Variants in PRORP observed in about 807,000 individuals in gnomAD.
The protein encoded by PRORP is protein only RNase P catalytic subunit.
PRORP carries 51 observed loss-of-function variants against 59.4 expected under a neutral mutation model. That is an observed-to-expected ratio of 0.86 (90% CI 0.69 to 1.08). The LOEUF (loss-of-function observed/expected upper bound fraction) is 1.08. Among genes scored for constraint, PRORP ranks in the 50% least tolerant of loss-of-function variants. The pLI is 0.00. For missense variants in PRORP, 646 were observed against 690.3 expected, an observed-to-expected ratio of 0.94 and a Z score of 0.72; for synonymous variants, 231 against 245.6, an observed-to-expected ratio of 0.94 and a Z score of 0.55.
In PRORP at chr14:35,277,584, AGAT is replaced by A. The variant is rs1263302112; in HGVS notation, c.*4021_*4023del. 1.3e-5 allele frequency: 2 copies of A among 152,206 alleles called. No homozygotes were observed. Among genetic ancestry groups the A allele is most frequent in the African/African-American group, 4.8e-5 (2 of 41,462 alleles). The allele number at this position is 152,206 out of a possible 1,614,324, so 9.4% of individuals were successfully genotyped here. ...ATGAAAATACAAGAGACAGGAACACAGATGAATAAATGTAATAAAATTTGAGAA... is the reference window on the plus strand; with the variant it reads ...ATGAAAATACAAGAGACAGGAACACAGAATAAATGTAATAAAATTTGAGAA... On this transcript the variant is annotated 3_prime_UTR_variant, in exon 8 of 8. Coordinates refer to ENST00000534898, the MANE Select transcript of PRORP (RefSeq NM_014672.4).
chr14:35,171,718 T>C (rs528683181), intron 4 of PRORP, among the ~76,000 whole-genome samples: 60 of 152,316 alleles, frequency 3.9e-4, no homozygotes, highest in Non-Finnish European at 7.5e-4. Flanking sequence ...ATGTTTTGGC[T>C]ATTCAAATAC....
intron 4 of PRORP, among the ~76,000 whole-genome samples, chr14:35,178,186 A>G (rs6571699): frequency 0.85 from 129,283 of 152,082 alleles, 55,013 homozygotes; most frequent in Admixed American, 0.87. Context: ...TTTGGAATAA[A>G]TGCGATGTGG....
At chr14:35,170,966 C>T (rs1006632322) in intron 4 of PRORP, among the ~76,000 whole-genome samples, 1 of 152,008 alleles carries the variant, frequency 6.6e-6, no homozygotes, top group Non-Finnish European at 1.5e-5. Flanking sequence ...TCTTCTGCCT[C>T]AGACTCCCGA....
chr14:35,166,338 C>G (rs140950819), intron 4 of PRORP, among the ~76,000 whole-genome samples: 63 of 151,876 alleles, frequency 4.1e-4, no homozygotes, highest in African/African-American at 1.4e-3. Flanking sequence ...CTCCTTAAAG[C>G]TTATTGCTCT....
intron 5 of PRORP, among the ~76,000 whole-genome samples, chr14:35,255,725 T>A (rs932236351): frequency 1.3e-5 from 2 of 152,156 alleles, no homozygotes; most frequent in African/African-American, 2.4e-5. Flanking sequence ...GACTGGAGAC[T>A]ATGTTACATG....
intron 7 of PRORP, among the ~76,000 whole-genome samples, chr14:35,271,136 T>C (rs747603440): frequency 4.0e-5 from 6 of 150,688 alleles, no homozygotes. Flanking sequence ...TTCAATTAAT[T>C]ATGTCACAAA....
intron 5 of PRORP, among the ~76,000 whole-genome samples, chr14:35,205,130 G>C (rs1249622573): frequency 6.6e-6 from 1 of 151,974 alleles, no homozygotes. Context: ...CTCTTTATGG[G>C]CTTTGTCAAC....
intron 7 of PRORP, among the ~76,000 whole-genome samples, 189 bp from the exon 8 acceptor site, chr14:35,273,245 CA>C (rs548280842): frequency 6.6e-6 from 1 of 151,894 alleles, no homozygotes; most frequent in Non-Finnish European, 1.5e-5. Flanking sequence ...TGAGACCCCT[CA>C]AAAAAAGGAA....
chr14:35,141,809 T>G lies in PRORP; in HGVS notation c.1167+14198T>G, dbSNP rs534004520. Among the ~76,000 whole-genome samples the G allele has an allele frequency of 1.4e-5, 2 of 144,892 alleles. 1 individual carries two copies. Among genetic ancestry groups the G allele is most frequent in the African/African-American group, 4.9e-5 (2 of 41,058 alleles). On this transcript the variant is annotated intron_variant, in intron 4 of 7. Transcript: ENST00000534898. The stretch of plus-strand genomic sequence containing the variant: ...ACGGCTCACTGCAGCTGAGACCTCC[T>G]GGGCTCAAGTGATCCTCCCACCTCA...
At chr14:35,173,913 G>A (rs891574744) in intron 4 of PRORP, among the ~76,000 whole-genome samples, 1 of 152,032 alleles carries the variant, frequency 6.6e-6, no homozygotes, top group African/African-American at 2.4e-5. Flanking sequence ...TGTGGTGATT[G>A]ATGCTAGCTG....
chr14:35,216,422 G>A (rs1002219027), intron 5 of PRORP, among the ~76,000 whole-genome samples: 2 of 151,294 alleles, frequency 1.3e-5, no homozygotes, highest in Non-Finnish European at 2.9e-5. Flanking sequence ...CAATCCTCCC[G>A]CCTCAGCCCC....
chr14:35,149,433 G>A (rs2047689864), intron 4 of PRORP, among the ~76,000 whole-genome samples: 7 of 152,026 alleles, frequency 4.6e-5, no homozygotes, highest in Admixed American at 3.9e-4. Context: ...GACTGGTCTC[G>A]AACGCCTGAC....
Position 35,273,522 on chromosome 14 carries a change from T to G in PRORP, c.1708T>G (p.Cys570Gly). Residue 570 changes from cysteine to glycine, a missense_variant, in exon 8 of 8, where the codon TGT becomes GGT. Cys to Gly is a radical substitution (Grantham distance 159). Transcript: ENST00000534898. ...YDEDLVERCS[C>G]EVPTKWLCLH... ...TGAAGACTTGGTAGAAAGATGTTCCTGTGAAGTACCAACCAAATGGCTTTG... is the reference window on the plus strand; with the variant it reads ...TGAAGACTTGGTAGAAAGATGTTCCGGTGAAGTACCAACCAAATGGCTTTG... 6.2e-7 allele frequency: 1 copy of G among 1,613,934 alleles called. No individual in the cohort carries two copies.
chr14:35,136,464 T>A (rs2047376138), intron 4 of PRORP, among the ~76,000 whole-genome samples: 1 of 146,340 alleles, frequency 6.8e-6, no homozygotes, highest in African/African-American at 2.4e-5. Flanking sequence ...AACCTCCGCC[T>A]CTCGGGTTTA....
Position 35,123,552 on chromosome 14 carries a change from C to T in PRORP, c.307C>T (p.His103Tyr). 3.1e-6 allele frequency: 5 copies of T among 1,614,142 alleles called. No homozygotes were observed. Among genetic ancestry groups the T allele is most frequent in the Non-Finnish European group, 4.2e-6 (5 of 1,180,034 alleles). Residue 103 changes from histidine (H) to tyrosine (Y), a missense_variant, in exon 2 of 8, where the codon CAT (histidine) becomes TAT (tyrosine). His to Tyr is a moderately conservative substitution (Grantham distance 83). Coordinates refer to ENST00000534898, the MANE Select transcript of PRORP (RefSeq NM_014672.4). Reference protein sequence around the residue: ...RSQMNSQTEDHALAPVRNTIQ... With the variant: ...RSQMNSQTEDYALAPVRNTIQ... ...ACAGATGAATTCTCAAACTGAAGAT[C>T]ATGCCTTGGCACCTGTGAGGAACAC... is the stretch of plus-strand genomic sequence containing the variant.
chr14:35,172,907 G>T (rs540074825), intron 4 of PRORP, among the ~76,000 whole-genome samples: 6 of 138,496 alleles, frequency 4.3e-5, no homozygotes, highest in African/African-American at 1.6e-4. Flanking sequence ...TCTCTCTGTT[G>T]CCCAGGCTGG....
chr14:35,217,822 A>G (rs926484359), intron 5 of PRORP, among the ~76,000 whole-genome samples: 4 of 152,132 alleles, frequency 2.6e-5, no homozygotes, highest in African/African-American at 7.2e-5. Context: ...TTATGCCAGT[A>G]CCACACAGTC....
At chr14:35,157,888 A>G (rs996509449) in intron 4 of PRORP, 3 of 161,618 alleles carry the variant, frequency 1.9e-5, no homozygotes, top group African/African-American at 4.8e-5. Flanking sequence ...ATACGTAACT[A>G]TTGATCAATA....
chr14:35,228,489 G>A (rs144547500), intron 5 of PRORP, among the ~76,000 whole-genome samples: 71 of 152,270 alleles, frequency 4.7e-4, no homozygotes, highest in African/African-American at 1.5e-3. Flanking sequence ...CCCAGTGTCC[G>A]TTGTTGCCAT....
Sources: gnomAD v4.1 joint callset for allele counts (sites outside exome capture counted in the v4.1 genomes callset) on GRCh38, gnomAD v4.1.1 for gene constraint, MANE v1.5 for transcripts, NCBI Gene and HGNC (gene_info 2026-07-23, HGNC 2026-07-21) for gene names.